The following MEF2A variants were observed in gnomAD, a reference collection of about 807,000 sequenced individuals.
MEF2A encodes the protein myocyte enhancer factor 2A.
Under a neutral mutation model 55.8 loss-of-function variants are expected in MEF2A, and 28 were observed. The ratio of observed to expected loss-of-function variants is 0.50; its 90% confidence interval spans 0.37 to 0.69. MEF2A has a LOEUF of 0.69. Ranked by LOEUF, MEF2A falls within the 30% of genes least tolerant of loss-of-function variation. MEF2A has a pLI of 0.00. For missense variants in MEF2A, 528 were observed against 626.2 expected (o/e 0.84, Z 1.67); for synonymous variants, 239 against 227.1 (o/e 1.05, Z -0.47).
intron 7 of MEF2A, among the ~76,000 whole-genome samples, chr15:99,682,258 G>A (rs1306604480): frequency 6.6e-6 from 1 of 152,172 alleles, no homozygotes; most frequent in Non-Finnish European, 1.5e-5. Flanking sequence ...TACAGCTATA[G>A]GACTGTAATT....
chr15:99,624,407 C>A (rs905374595), intron 2 of MEF2A, among the ~76,000 whole-genome samples: 1 of 152,150 alleles, frequency 6.6e-6, no homozygotes, highest in South Asian at 2.1e-4. Flanking sequence ...GGTAGATATA[C>A]CATTTTACCA....
intron 2 of MEF2A, among the ~76,000 whole-genome samples, chr15:99,625,706 T>A (rs1309348935): frequency 6.6e-6 from 1 of 152,158 alleles, no homozygotes; most frequent in Non-Finnish European, 1.5e-5. Context: ...TTTTGTCAAA[T>A]CCTTTTTCAG....
chr15:99,714,509 T>A lies in MEF2A; in HGVS notation c.*1738T>A, dbSNP rs1474342522. The stretch of plus-strand genomic sequence containing the variant: ...TGCTTTGGTATGCGGGGAGAAACAC[T>A]CTTAGGGTGCTGGTCCTTGGCATGA... On this transcript the variant is annotated 3_prime_UTR_variant, in exon 12 of 12. Transcript: ENST00000557942. 1 of 152,130 alleles carries A rather than the reference T, an allele frequency of 6.6e-6. No individual in the cohort carries two copies. Among genetic ancestry groups the A allele is most frequent in the Non-Finnish European group, 1.5e-5 (1 of 68,032 alleles). The allele number at this position is 152,130 out of a possible 1,614,324, so 9.4% of individuals were successfully genotyped here. A position where few individuals can be genotyped will look rare whatever the true frequency, so the allele number is the denominator to read the frequency against.
intron 7 of MEF2A, among the ~76,000 whole-genome samples, chr15:99,681,456 G>A (rs2153679109): frequency 6.6e-6 from 1 of 152,328 alleles, no homozygotes; most frequent in East Asian, 1.9e-4. Context: ...TGGAAATTAG[G>A]AAAGATAAAG....
In MEF2A at chr15:99,647,762, G is replaced by A. The variant is rs192674506; in HGVS notation, c.258+1998G>A. Among the ~76,000 whole-genome samples, 148 of 152,236 alleles carry A rather than the reference G, an allele frequency of 9.7e-4. No homozygotes were observed. The South Asian group carries it at 0.014, about 14-fold the overall frequency. On this transcript the variant is annotated intron_variant, in intron 4 of 11. Coordinates refer to ENST00000557942, the MANE Select transcript of MEF2A (RefSeq NM_001319206.4). ...TCCTCAAAATAAGTTAAAATGAATC[G>A]TGTTAATAGTTCCTTGTGAAGTTCT...
chr15:99,573,612 C>T (rs926215488), intron 1 of MEF2A, among the ~76,000 whole-genome samples: 1 of 152,180 alleles, frequency 6.6e-6, no homozygotes, highest in Non-Finnish European at 1.5e-5. Flanking sequence ...TATTACTTCC[C>T]TCTAGCTTAT....
At chr15:99,667,523 G>A (rs1296719377) in intron 4 of MEF2A, among the ~76,000 whole-genome samples, 2 of 151,916 alleles carry the variant, frequency 1.3e-5, no homozygotes, top group Admixed American at 1.3e-4. Flanking sequence ...GCGCCCGGCC[G>A]TAACATAGTT....
chr15:99,595,792 A>G (rs914010966), intron 1 of MEF2A, among the ~76,000 whole-genome samples: 3 of 152,222 alleles, frequency 2.0e-5, no homozygotes, highest in Non-Finnish European at 2.9e-5. Flanking sequence ...TATAAGAGAC[A>G]CAGGGGAAAG....
At chr15:99,710,192 A>G (rs1169399213) in intron 10 of MEF2A, among the ~76,000 whole-genome samples, 2 of 152,172 alleles carry the variant, frequency 1.3e-5, no homozygotes, top group African/African-American at 4.8e-5. Flanking sequence ...TTTTAGACCC[A>G]CATGTATGTT....
At chr15:99,593,507 C>T (rs1970077659) in intron 1 of MEF2A, among the ~76,000 whole-genome samples, 1 of 152,150 alleles carries the variant, frequency 6.6e-6, no homozygotes, top group African/African-American at 2.4e-5. Flanking sequence ...CATATGAGTT[C>T]ACCCTTATTT....
intron 2 of MEF2A, among the ~76,000 whole-genome samples, chr15:99,600,877 G>T (rs931961151): frequency 6.6e-6 from 1 of 151,968 alleles, no homozygotes; most frequent in South Asian, 2.1e-4. Context: ...TTCTATTCTG[G>T]ATCCTTTTTA....
intron 1 of MEF2A, among the ~76,000 whole-genome samples, chr15:99,590,547 G>A (rs945386197): frequency 6.7e-6 from 1 of 150,122 alleles, no homozygotes; most frequent in Non-Finnish European, 1.5e-5. Context: ...TTTTCTACTT[G>A]TCCTATTTTG....
chr15:99,614,612 G>A (rs1348757946), intron 2 of MEF2A, among the ~76,000 whole-genome samples: 1 of 152,170 alleles, frequency 6.6e-6, no homozygotes, highest in Non-Finnish European at 1.5e-5. Flanking sequence ...AATTACAGTT[G>A]AGGTAAATGC....
chr15:99,699,139 A>G lies in MEF2A; in HGVS notation c.859-4223A>G, dbSNP rs201385226. 7.2e-5 allele frequency among the ~76,000 whole-genome samples: 11 copies of G among 152,220 alleles called. No individual in the cohort carries two copies. In the East Asian group the frequency reaches 7.7e-4, roughly 11 times the overall value. On this transcript the variant is annotated intron_variant, in intron 8 of 11. Transcript: ENST00000557942. ...TATTTACGCACATGAATTGAAAACTATACTTATAAGAAACCCGTATCTTTC... is the reference window on the plus strand; with the variant it reads ...TATTTACGCACATGAATTGAAAACTGTACTTATAAGAAACCCGTATCTTTC...
intron 7 of MEF2A, among the ~76,000 whole-genome samples, chr15:99,687,044 TG>T (rs1459505408): frequency 7.2e-6 from 1 of 138,162 alleles, no homozygotes; most frequent in Non-Finnish European, 1.6e-5. Flanking sequence ...CCTTAGTTTC[TG>T]GGACTACAGG....
rs1373641278 is a variant in MEF2A, at chr15:99,713,999, C to T, written c.*1228C>T. 1.3e-5 allele frequency: 2 copies of T among 152,174 alleles called. No homozygotes were observed. Among genetic ancestry groups the T allele is most frequent in the African/African-American group, 2.4e-5 (1 of 41,444 alleles). The allele number at this position is 152,174 out of a possible 1,614,324, so 9.4% of individuals were successfully genotyped here. A position where few individuals can be genotyped will look rare whatever the true frequency, so the allele number is the denominator to read the frequency against. ...TTAAGTATTCACTGTTTAATATTTACTATTTTGTTAAATATACTGTACTTT... is the reference window on the plus strand; with the variant it reads ...TTAAGTATTCACTGTTTAATATTTATTATTTTGTTAAATATACTGTACTTT... On this transcript the variant is annotated 3_prime_UTR_variant, in exon 12 of 12. Transcript: ENST00000557942.
intron 1 of MEF2A, among the ~76,000 whole-genome samples, chr15:99,591,336 G>A (rs1161593827): frequency 6.6e-6 from 1 of 151,946 alleles, no homozygotes; most frequent in Non-Finnish European, 1.5e-5. Flanking sequence ...GTCCTTTCTA[G>A]CACTTTACAG....
chr15:99,598,570 C>T (rs1198107884), intron 2 of MEF2A, 59 bp downstream of exon 2: 1 of 151,920 alleles, frequency 6.6e-6, no homozygotes. Context: ...TTTTAAAAAT[C>T]AGGCTGTTCT....
chr15:99,679,434 A>G (rs1400880771), intron 7 of MEF2A, among the ~76,000 whole-genome samples: 1 of 152,258 alleles, frequency 6.6e-6, no homozygotes, highest in East Asian at 1.9e-4. Context: ...AATGTCACCA[A>G]ACATTATGAA....
Sources: gnomAD v4.1 joint callset for allele counts (sites outside exome capture counted in the v4.1 genomes callset) on GRCh38, gnomAD v4.1.1 for gene constraint, MANE v1.5 for transcripts, NCBI Gene and HGNC (gene_info 2026-07-23, HGNC 2026-07-21) for gene names.